IL1RAPL1: variants seen among roughly 807,000 people sequenced by gnomAD.
IL1RAPL1 encodes interleukin 1 receptor accessory protein like 1.
A neutral mutation model predicts 48.4 loss-of-function variants in IL1RAPL1; 3 were observed. The ratio of observed to expected loss-of-function variants is 0.06; its 90% CI spans 0.03 to 0.16. IL1RAPL1 has a LOEUF of 0.16. IL1RAPL1 is among the 10% of genes least tolerant of loss of function. The pLI is 1.00. For missense variants in IL1RAPL1, 349 were observed against 530.6 expected (o/e 0.66, Z 3.36); for synonymous variants, 185 against 187.7 (o/e 0.99, Z 0.12).
At position 29,706,268 on chromosome X, in the gene IL1RAPL1, C is replaced by T. The variant is rs779066447; in HGVS notation, c.778+37764C>T. 1.3e-4 allele frequency among the ~76,000 whole-genome samples: 15 copies of T among 111,551 alleles called. No homozygotes were observed. The South Asian group carries it at 5.3e-3, about 39-fold the overall frequency. On this transcript the variant is annotated intron_variant, in intron 6 of 10. Coordinates refer to ENST00000378993, the MANE Select transcript of IL1RAPL1 (RefSeq NM_014271.4). Reference sequence around the variant, plus strand: ...TTGAACCAAATCATATCATTCTGCCCCTGGCCCCTCCTAAATCTCATATAT... The same window carrying T: ...TTGAACCAAATCATATCATTCTGCCTCTGGCCCCTCCTAAATCTCATATAT...
intron 2 of IL1RAPL1, among the ~76,000 whole-genome samples, chrX:29,184,193 C>T (rs1930205938): frequency 9.0e-6 from 1 of 110,962 alleles, no homozygotes; most frequent in African/African-American, 3.3e-5. Flanking sequence ...TTTGCGTTTC[C>T]ATTTCTCATT....
At chrX:28,790,736 G>C (rs913830674) in intron 2 of IL1RAPL1, among the ~76,000 whole-genome samples, 1 of 112,102 alleles carries the variant, frequency 8.9e-6, no homozygotes, top group Non-Finnish European at 1.9e-5. Context: ...AAACCCTAGG[G>C]CAGGATTATG....
intron 2 of IL1RAPL1, among the ~76,000 whole-genome samples, chrX:28,943,845 C>A (rs1924227006): frequency 9.1e-6 from 1 of 110,457 alleles, no homozygotes; most frequent in South Asian, 3.7e-4. Context: ...GGTATACCAC[C>A]TTTACTATTG....
At chrX:29,047,244 A>C (rs905090924) in intron 2 of IL1RAPL1, among the ~76,000 whole-genome samples, 2 of 112,775 alleles carry the variant, frequency 1.8e-5, no homozygotes, top group Non-Finnish European at 3.7e-5. Context: ...CAAGTAAAAC[A>C]AAACAAAAAG....
intron 5 of IL1RAPL1, among the ~76,000 whole-genome samples, chrX:29,626,050 G>A (rs1374036815): frequency 9.0e-6 from 1 of 111,682 alleles, no homozygotes; most frequent in South Asian, 3.7e-4. Context: ...ATCATCTCAC[G>A]TCTCATCTCA....
chrX:29,438,788 C>G (rs1157825012), intron 5 of IL1RAPL1, among the ~76,000 whole-genome samples: 17 of 110,313 alleles, frequency 1.5e-4, no homozygotes, highest in African/African-American at 4.9e-4. Context: ...TTGTTTTATC[C>G]CCTATCTAGG....
rs771821103 is a variant in IL1RAPL1, at chrX:29,157,356, AATTC to A, written c.83-125578_83-125575del. ...TCTAGGCCCTAATTTTTCTCATGAT[AATTC>A]ATTGAAGTGCTGTAAAATATCCAAA... On this transcript the variant is annotated intron_variant, in intron 2 of 10. Coordinates refer to ENST00000378993, the MANE Select transcript of IL1RAPL1 (RefSeq NM_014271.4). Among the ~76,000 whole-genome samples the A allele has an allele frequency of 4.5e-5, 5 of 111,741 alleles. No homozygotes were observed. In the South Asian group the frequency reaches 1.5e-3, roughly 34 times the overall value.
chrX:29,415,790 G>A (rs1439547543), intron 5 of IL1RAPL1, among the ~76,000 whole-genome samples: 1 of 112,334 alleles, frequency 8.9e-6, no homozygotes, highest in African/African-American at 3.2e-5. Flanking sequence ...CAAGAAATTT[G>A]TTACTTGGTA....
At chrX:29,917,620 G>C (rs1932809137) in intron 7 of IL1RAPL1, 24 bp downstream of exon 7, 1 of 1,167,588 alleles carries the variant, frequency 8.6e-7, no homozygotes, top group Non-Finnish European at 1.2e-6. Context: ...CTTTTAACCT[G>C]TATAGTCAAG....
At chrX:28,982,441 T>C (rs1925365647) in intron 2 of IL1RAPL1, among the ~76,000 whole-genome samples, 1 of 112,167 alleles carries the variant, frequency 8.9e-6, no homozygotes, top group South Asian at 3.7e-4. Flanking sequence ...AGTCATTGAA[T>C]GTAAAGCACT....
chrX:28,625,569 C>T, intron 1 of IL1RAPL1, among the ~76,000 whole-genome samples: 1 of 111,758 alleles, frequency 8.9e-6, no homozygotes. Context: ...CCCTCACAGC[C>T]CAGTGGGCAG....
At chrX:29,777,435 C>T (rs1322053544) in intron 6 of IL1RAPL1, among the ~76,000 whole-genome samples, 1 of 111,925 alleles carries the variant, frequency 8.9e-6, no homozygotes, top group African/African-American at 3.2e-5. Flanking sequence ...ATAACTATTA[C>T]TAACTGAAAA....
In IL1RAPL1 at chrX:28,988,758, T is replaced by TATA. The variant is rs1925534677; in HGVS notation, c.82+199333_82+199334insATA. Among the ~76,000 whole-genome samples the TATA allele has an allele frequency of 3.6e-5, 4 of 112,148 alleles. No individual in the cohort carries two copies. The South Asian group carries it at 1.1e-3, about 31-fold the overall frequency. Reference sequence around the variant, plus strand: ...GAACATCACTGTGGGTAAATTATTATGAAAGATACTTCTAGAAATTCAAGA... The same window carrying TATA: ...GAACATCACTGTGGGTAAATTATTATATAGAAAGATACTTCTAGAAATTCAAGA... On this transcript the variant is annotated intron_variant, in intron 2 of 10. Transcript: ENST00000378993.
chrX:29,788,395 C>G (rs977054053), intron 6 of IL1RAPL1, among the ~76,000 whole-genome samples: 1 of 111,367 alleles, frequency 9.0e-6, no homozygotes, highest in Non-Finnish European at 1.9e-5. Flanking sequence ...GAAAAAAATA[C>G]AACATGCACA....
chrX:29,545,359 A>G (rs1921593742), intron 5 of IL1RAPL1, among the ~76,000 whole-genome samples: 1 of 111,305 alleles, frequency 9.0e-6, no homozygotes, highest in South Asian at 3.7e-4. Flanking sequence ...TTTTACTAAT[A>G]CCTTACATGG....
At chrX:29,275,462 T>C (rs902071759) in intron 2 of IL1RAPL1, among the ~76,000 whole-genome samples, 1 of 112,100 alleles carries the variant, frequency 8.9e-6, no homozygotes, top group African/African-American at 3.2e-5. Flanking sequence ...CCATATACTG[T>C]CCTATTAACT....
chrX:28,638,885 C>T (rs751466779), intron 1 of IL1RAPL1, among the ~76,000 whole-genome samples: 1 of 110,616 alleles, frequency 9.0e-6, no homozygotes, highest in African/African-American at 3.3e-5. Flanking sequence ...TAAGTTGTGC[C>T]GCAATTTGTT....
chrX:28,834,199 A>T (rs1393356486), intron 2 of IL1RAPL1, among the ~76,000 whole-genome samples: 2 of 111,600 alleles, frequency 1.8e-5, no homozygotes, highest in African/African-American at 6.5e-5. Flanking sequence ...TCTGATTTCT[A>T]TTACCATCAA....
intron 2 of IL1RAPL1, among the ~76,000 whole-genome samples, chrX:29,207,558 A>G (rs1462408646): frequency 8.9e-6 from 1 of 112,147 alleles, no homozygotes; most frequent in African/African-American, 3.2e-5. Context: ...GGATAACTAT[A>G]TCACCTTAAT....
Sources: gnomAD v4.1 joint callset for allele counts (sites outside exome capture counted in the v4.1 genomes callset) on GRCh38, gnomAD v4.1.1 for gene constraint, MANE v1.5 for transcripts, NCBI Gene and HGNC (gene_info 2026-07-23, HGNC 2026-07-21) for gene names.